The following TNS3 variants were observed in gnomAD, a reference collection of about 807,000 sequenced individuals.
TNS3 encodes tensin 3.
In TNS3, 45 loss-of-function variants were observed where a neutral mutation model predicts 140.9. That is an observed-to-expected ratio of 0.32 (90% CI 0.25 to 0.41). The LOEUF (loss-of-function observed/expected upper bound fraction) is 0.41. Ranked by LOEUF, TNS3 falls within the 10% of genes least tolerant of loss-of-function variation. The pLI is 1.00. For missense variants in TNS3, 1,716 were observed against 1,906.7 expected (o/e 0.90, Z 1.86); for synonymous variants, 815 against 788.4 (o/e 1.03, Z -0.56).
intron 8 of TNS3, among the ~76,000 whole-genome samples, chr7:47,430,280 C>T (rs1186527670): frequency 6.6e-6 from 1 of 152,014 alleles, no homozygotes; most frequent in Non-Finnish European, 1.5e-5. Flanking sequence ...AGGCATGCAT[C>T]ACCATGCCCG....
chr7:47,384,128 T>C (rs1791936331), intron 16 of TNS3, among the ~76,000 whole-genome samples: 1 of 152,228 alleles, frequency 6.6e-6, no homozygotes, highest in African/African-American at 2.4e-5. Context: ...CTCCCAACTT[T>C]CTTTCCAAGG....
chr7:47,357,395 C>G (rs555867957), intron 17 of TNS3, among the ~76,000 whole-genome samples: 17 of 152,274 alleles, frequency 1.1e-4, no homozygotes, highest in African/African-American at 3.9e-4. Context: ...CACACACACA[C>G]TAATCTTTTC....
intron 1 of TNS3, among the ~76,000 whole-genome samples, chr7:47,555,060 G>A (rs1350644654): frequency 6.6e-6 from 1 of 151,918 alleles, no homozygotes; most frequent in Admixed American, 6.6e-5. Flanking sequence ...CCTTGATAAA[G>A]AAGATGCTGT....
chr7:47,401,421 T>C (rs1044971733), intron 13 of TNS3, among the ~76,000 whole-genome samples: 20 of 152,278 alleles, frequency 1.3e-4, no homozygotes, highest in African/African-American at 4.6e-4. Context: ...CTATCCTAAA[T>C]GATTATGTGC....
intron 20 of TNS3, among the ~76,000 whole-genome samples, chr7:47,314,418 G>A (rs1232667828): frequency 6.6e-6 from 1 of 152,234 alleles, no homozygotes; most frequent in African/African-American, 2.4e-5. Context: ...CACTGTCCCT[G>A]CTGAGCATCT....
chr7:47,476,155 G>A (rs182078983), intron 4 of TNS3, among the ~76,000 whole-genome samples: 2 of 152,254 alleles, frequency 1.3e-5, no homozygotes, highest in East Asian at 1.9e-4. Flanking sequence ...TATTTCATTC[G>A]ATCCTGGCAG....
chr7:47,293,792 A>G lies in TNS3; in HGVS notation c.3713T>C (p.Leu1238Ser). ...CACTCCCTTCGGGGTACACTCGATC[A>G]AAAAGTGCCGGACGAGTTCATTGGC... ...DLANELVRHF[L>S]IECTPKGVRL... Residue 1238 changes from leucine (L) to serine (S), a missense_variant, in exon 25 of 31, where the codon TTG (leucine) becomes TCG (serine). Coordinates refer to ENST00000311160, the MANE Select transcript of TNS3 (RefSeq NM_022748.12). 1 of 1,614,254 alleles carries G rather than the reference A, an allele frequency of 6.2e-7. No individual in the cohort carries two copies. The highest frequency in any genetic ancestry group is 8.5e-7 in the Non-Finnish European group (1 of 1,180,042).
chr7:47,442,002 C>T lies in TNS3; in HGVS notation c.-23+1G>A, dbSNP rs1483303736. ...AATGCATGACCCACACAGACACTCA[C>T]CGCAGAGGTTTATCACGGCAGAGAG... On this transcript the variant is annotated splice_donor_variant, in intron 5 of 30. Coordinates refer to ENST00000311160, the MANE Select transcript of TNS3 (RefSeq NM_022748.12). LOFTEE classifies it low-confidence loss of function (5UTR_SPLICE). 1 of 1,290,262 alleles carries T rather than the reference C, an allele frequency of 7.8e-7. No individual in the cohort carries two copies. The highest frequency in any genetic ancestry group is 1.0e-6 in the Non-Finnish European group (1 of 988,962). 79.9% of individuals were successfully genotyped at this position (1,290,262 alleles called of 1,614,324 possible).
chr7:47,301,375 C>G lies in TNS3; in HGVS notation c.3544+811G>C, dbSNP rs552601452. Among the ~76,000 whole-genome samples, 11 of 152,220 alleles carry G rather than the reference C, an allele frequency of 7.2e-5. No homozygotes were observed. In the South Asian group the frequency reaches 2.3e-3, roughly 32 times the overall value. ...TATCCCAGAAGCAACAAACTCTATG[C>G]ACTGCCAAAATGAGGTATCCAGAGG... On this transcript the variant is annotated intron_variant, in intron 23 of 30. Coordinates refer to ENST00000311160, the MANE Select transcript of TNS3 (RefSeq NM_022748.12).
chr7:47,527,312 C>A (rs1799232862), intron 2 of TNS3, among the ~76,000 whole-genome samples: 1 of 152,120 alleles, frequency 6.6e-6, no homozygotes, highest in Admixed American at 6.6e-5. Context: ...GGGGAGACTC[C>A]TTGGGCTTCT....
intron 1 of TNS3, among the ~76,000 whole-genome samples, chr7:47,557,940 G>T (rs868863453): frequency 6.6e-6 from 1 of 152,202 alleles, no homozygotes; most frequent in Non-Finnish European, 1.5e-5. Flanking sequence ...AGAGGGCTGC[G>T]TAGAAGGCCT....
At position 47,334,026 on chromosome 7, in the gene TNS3, T is replaced by C. The variant is rs540616952; in HGVS notation, c.2650+10729A>G. Among the ~76,000 whole-genome samples, 22 of 152,314 alleles carry C rather than the reference T, an allele frequency of 1.4e-4. 1 individual carries two copies. The South Asian group carries it at 4.6e-3, about 32-fold the overall frequency. On this transcript the variant is annotated intron_variant, in intron 20 of 30. Transcript: ENST00000311160. ...AGAGGGTAAGGACCAGTGCCACTGG[T>C]ACTGCCCTTTTCTTCCTCCCTGTGG...
At chr7:47,521,361 C>G (rs1798972296) in intron 2 of TNS3, among the ~76,000 whole-genome samples, 1 of 152,200 alleles carries the variant, frequency 6.6e-6, no homozygotes, top group Non-Finnish European at 1.5e-5. Context: ...CGCAATGCAC[C>G]AGCTGCCGCA....
At chr7:47,547,317 CTGTGTCGGGGAG>C (rs950444696) in intron 1 of TNS3, among the ~76,000 whole-genome samples, 3 of 152,084 alleles carry the variant, frequency 2.0e-5, no homozygotes, top group African/African-American at 7.2e-5. Context: ...GATAAGGGGC[CTGTGTCGGGGAG>C]TGGAAGGCAA....
intron 24 of TNS3, among the ~76,000 whole-genome samples, chr7:47,296,593 C>G (rs776562279): frequency 2.6e-5 from 4 of 152,200 alleles, no homozygotes; most frequent in Non-Finnish European, 5.9e-5. Context: ...TCTCATGAGT[C>G]TAGGCTTATT....
rs74644802 is a variant in TNS3 at position 47,328,744 on chromosome 7, G to A, written c.2650+16011C>T. Among the ~76,000 whole-genome samples the A allele has an allele frequency of 2.2e-3, 335 of 152,258 alleles. 11 individuals are homozygous for A. The East Asian group carries it at 0.05, about 23-fold the overall frequency. ...TTTCACTCCTCAAGGCAGCCCAGGG[G>A]ACCTTCCAATGCAAATCCCACCCTG... On this transcript the variant is annotated intron_variant, in intron 20 of 30. Transcript: ENST00000311160.
chr7:47,572,647 G>A (rs936783361), intron 1 of TNS3, among the ~76,000 whole-genome samples: 4 of 152,238 alleles, frequency 2.6e-5, no homozygotes, highest in East Asian at 1.9e-4. Flanking sequence ...AGGCCGAGGC[G>A]GGCAGATCGC....
chr7:47,555,032 A>C (rs1333849675), intron 1 of TNS3, among the ~76,000 whole-genome samples: 1 of 152,106 alleles, frequency 6.6e-6, no homozygotes, highest in Non-Finnish European at 1.5e-5. Context: ...GTCTCAAAAA[A>C]AAAAGAATGG....
chr7:47,340,106 TATA>T, intron 20 of TNS3, among the ~76,000 whole-genome samples: 1 of 40,712 alleles, frequency 2.5e-5, no homozygotes, highest in African/African-American at 8.9e-5. Context: ...TATATATATA[TATA>T]TATATATTTT....
Sources: allele counts gnomAD v4.1 joint callset (sites outside exome capture counted in the v4.1 genomes callset), GRCh38; gene constraint gnomAD v4.1.1; transcripts MANE v1.5; gene names NCBI Gene and HGNC (gene_info 2026-07-23, HGNC 2026-07-21).